Variants in MICALL2 observed in about 807,000 individuals in gnomAD.
MICALL2 encodes the protein MICAL-like protein 2.
MICALL2 carries 111 observed loss-of-function variants against 91.1 expected under a neutral mutation model. That is an observed-to-expected ratio of 1.22 (90% CI 1.04 to 1.43). The LOEUF (loss-of-function observed/expected upper bound fraction) is 1.43, where lower values mean the gene tolerates loss of function less well. Among genes scored for constraint, MICALL2 ranks in the 40% most tolerant of loss-of-function variants. The pLI is 0.00. For missense variants in MICALL2, 1,556 were observed against 1,236.0 expected (o/e 1.26, Z -3.88); for synonymous variants, 694 against 525.3 (o/e 1.32, Z -4.39).
At chr7:1,446,600 G>A (rs1444957125) in intron 5 of MICALL2, 113 bp downstream of exon 5, 12 of 690,384 alleles carry the variant, frequency 1.7e-5, no homozygotes, top group Admixed American at 6.4e-5. Flanking sequence ...AGGGGAGAGG[G>A]GAGAGGAACG....
At chr7:1,437,733 G>A (rs1013921205) in intron 13 of MICALL2, 125 bp from the exon 14 acceptor site, 43 of 1,253,156 alleles carry the variant, frequency 3.4e-5, no homozygotes, top group Admixed American at 2.2e-4. Flanking sequence ...CTCGCCGCCC[G>A]TCCCCCGCCT....
chr7:1,442,231 C>T lies in MICALL2; in HGVS notation c.1672G>A (p.Ala558Thr). ...VGAGSRPKPE[A>T]PMAKGKSTTL... ...GTGCTTTTACCCTTTGCCATCGGGG[C>T]CTCTGGCTTCGGCCTGGAGCCAGCA... Residue 558 changes from alanine (A) to threonine (T), a missense_variant, in exon 7 of 17, where the codon GCC becomes ACC. Transcript: ENST00000297508. 1 of 1,612,848 alleles carries T rather than the reference C, an allele frequency of 6.2e-7. No homozygotes were observed. Among genetic ancestry groups the T allele is most frequent in the Non-Finnish European group, 8.5e-7 (1 of 1,179,926 alleles).
At position 1,438,346 on chromosome 7, in the gene MICALL2, G is replaced by C. The variant is rs11976820; in HGVS notation, c.2130C>G (p.Pro710=). The part of the protein sequence containing the change: ...KPHLQGKPGR[P]LSPANVPALP... ...GAGCAGGGACATTGGCCGGGGACAA[G>C]GGTCTCCCTGGAGAAGGAGCAGGGT... Residue 710 remains proline (P), a synonymous_variant, in exon 11 of 17, where the codon CCC becomes CCG. Transcript: ENST00000297508. 1.2e-6 allele frequency: 2 copies of C among 1,601,904 alleles called. No homozygotes were observed. The highest frequency in any genetic ancestry group is 2.2e-5 in the South Asian group (2 of 89,298).
intron 8 of MICALL2, 43 bp downstream of exon 8, chr7:1,440,548 C>A: frequency 6.5e-7 from 1 of 1,531,438 alleles, no homozygotes; most frequent in Non-Finnish European, 9.0e-7. Context: ...TATTAAGCAC[C>A]TATGGTGTAC....
chr7:1,448,518 G>T (rs551654351), intron 3 of MICALL2, 102 bp downstream of exon 3: 7 of 1,084,196 alleles, frequency 6.5e-6, no homozygotes, highest in Non-Finnish European at 8.3e-6. Flanking sequence ...ATTCTTGGGG[G>T]GGGGGCTGGG....
At chr7:1,439,293 G>C in intron 9 of MICALL2, 1 of 413,700 alleles carries the variant, frequency 2.4e-6, no homozygotes, top group Non-Finnish European at 4.4e-6. Context: ...ACACAGAGAT[G>C]TGTGTGCACA....
chr7:1,439,811 G>A, intron 9 of MICALL2, 114 bp downstream of exon 9: 1 of 854,360 alleles, frequency 1.2e-6, no homozygotes, highest in Non-Finnish European at 1.6e-6. Context: ...GCTGACCGGA[G>A]CGCCTCTCCG....
At chr7:1,438,818 C>T (rs1352443187) in intron 10 of MICALL2, 22 bp downstream of exon 10, 1 of 1,583,928 alleles carries the variant, frequency 6.3e-7, no homozygotes, top group Non-Finnish European at 8.6e-7. Flanking sequence ...CCCCAAACAG[C>T]AGCGGTGTCT....
Position 1,459,237 on chromosome 7 carries a change from G to T in MICALL2, c.90C>A (p.Phe30Leu). 1 of 1,611,260 alleles carries T rather than the reference G, an allele frequency of 6.2e-7. No homozygotes were observed. Among genetic ancestry groups the T allele is most frequent in the Non-Finnish European group, 8.5e-7 (1 of 1,179,136 alleles). The change falls in exon 1 of 17, where the codon TTC becomes TTA. Residue 30 changes from phenylalanine (F) to leucine (L), a missense_variant. Transcript: ENST00000297508. ...TGGCGCAGAAAGCCAGGCCGTCGCG[G>T]AACGACGTGGTCATGTTGCAGATAT... The part of the protein sequence containing the change: ...DVNICNMTTS[F>L]RDGLAFCAIL...
intron 3 of MICALL2, 122 bp downstream of exon 3, chr7:1,448,498 G>A: frequency 1.1e-6 from 1 of 903,862 alleles, no homozygotes; most frequent in Non-Finnish European, 1.8e-6. Flanking sequence ...CGGTGCCCAT[G>A]CCAGGGGCCA....
At chr7:1,441,712 C>T (rs559098462) in intron 7 of MICALL2, 3 of 181,500 alleles carry the variant, frequency 1.7e-5, no homozygotes, top group Non-Finnish European at 3.5e-5. Flanking sequence ...GGCACCGTCA[C>T]CGGGACACCA....
chr7:1,445,758 C>T (rs1244958059), intron 5 of MICALL2, among the ~76,000 whole-genome samples: 3 of 152,172 alleles, frequency 2.0e-5, no homozygotes, highest in Non-Finnish European at 4.4e-5. Context: ...ACAGGCCACC[C>T]CAGGCCCCAC....
intron 14 of MICALL2, chr7:1,437,086 G>A (rs1404208155): frequency 1.6e-5 from 8 of 490,792 alleles, no homozygotes; most frequent in East Asian, 3.6e-5. Context: ...AACACCACTC[G>A]CTGCAGAGAT....
intron 2 of MICALL2, 69 bp from the exon 3 acceptor site, chr7:1,448,830 A>C: frequency 5.7e-6 from 9 of 1,573,124 alleles, no homozygotes; most frequent in Non-Finnish European, 7.8e-6. Context: ...GCCGCAGCTC[A>C]CCTCGACTCA....
intron 7 of MICALL2, chr7:1,440,885 T>G: frequency 3.5e-6 from 2 of 569,766 alleles, no homozygotes; most frequent in Non-Finnish European, 6.4e-6. Flanking sequence ...CTGTGCTGTG[T>G]GTCCCTGGGG....
chr7:1,436,833 G>C lies in MICALL2; in HGVS notation c.2500C>G (p.Arg834Gly). The change falls in exon 15 of 17, where the codon CGG becomes GGG. Residue 834 changes from arginine to glycine, a missense_variant. Transcript: ENST00000297508. ...KPEALKSLQERRREQELLEQY... is the reference protein window; with the variant it reads ...KPEALKSLQEGRREQELLEQY... ...TCCAGCAGCTCCTGCTCCCGCCGCCGCTCCTGCAGTGACTTCAGAGCCTCT... is the reference window on the plus strand; with the variant it reads ...TCCAGCAGCTCCTGCTCCCGCCGCCCCTCCTGCAGTGACTTCAGAGCCTCT... The C allele has an allele frequency of 1.9e-6, 3 of 1,601,800 alleles. No individual in the cohort carries two copies. The highest frequency in any genetic ancestry group is 2.7e-5 in the African/African-American group (2 of 74,436).
intron 16 of MICALL2, 180 bp from the exon 17 acceptor site, chr7:1,434,852 C>T (rs1256935125): frequency 1.2e-5 from 9 of 749,302 alleles, no homozygotes; most frequent in South Asian, 3.7e-5. Flanking sequence ...CTGGGTGCCC[C>T]GGAGGGCTGG....
intron 15 of MICALL2, among the ~76,000 whole-genome samples, chr7:1,435,912 T>C (rs538736563): frequency 3.5e-4 from 52 of 147,756 alleles, no homozygotes; most frequent in South Asian, 8.6e-4. Flanking sequence ...ATTAGCCGGG[T>C]GTGGTGGCGG....
chr7:1,443,241 C>T (rs1263526325), intron 6 of MICALL2, among the ~76,000 whole-genome samples: 5 of 151,478 alleles, frequency 3.3e-5, no homozygotes, highest in Admixed American at 2.6e-4. Flanking sequence ...CCCCGCCACT[C>T]ATCCTCAGTC....
Sources: allele counts gnomAD v4.1 joint callset (sites outside exome capture counted in the v4.1 genomes callset), GRCh38; gene constraint gnomAD v4.1.1; transcripts MANE v1.5; gene names NCBI Gene and HGNC (gene_info 2026-07-23, HGNC 2026-07-21).